CFAP44: variants seen among roughly 807,000 people sequenced by gnomAD.
CFAP44 encodes the protein cilia- and flagella-associated protein 44.
A neutral mutation model predicts 216.2 loss-of-function variants in CFAP44; 134 were observed. That is an observed-to-expected ratio of 0.62 (90% CI 0.54 to 0.72). The LOEUF is 0.72. Ranked by LOEUF, CFAP44 falls within the 30% of genes least tolerant of loss-of-function variation. The pLI is 0.00. For synonymous variants in CFAP44, 700 were observed against 727.6 expected (o/e 0.96, Z 0.61); for missense variants, 2,035 against 2,182.1 (o/e 0.93, Z 1.34).
At chr3:113,369,826 G>C (rs1933091182) in intron 18 of CFAP44, among the ~76,000 whole-genome samples, 3 of 152,062 alleles carry the variant, frequency 2.0e-5, no homozygotes, top group Admixed American at 1.3e-4. Flanking sequence ...TTGATAGAGA[G>C]AGCACTGGCA....
At chr3:113,336,526 T>A (rs1316988063) in intron 24 of CFAP44, among the ~76,000 whole-genome samples, 1 of 152,018 alleles carries the variant, frequency 6.6e-6, no homozygotes, top group Non-Finnish European at 1.5e-5. Context: ...AAATAGAACA[T>A]CTGGATAGCA....
chr3:113,357,486 C>T (rs1367644436), intron 22 of CFAP44, among the ~76,000 whole-genome samples: 2 of 152,128 alleles, frequency 1.3e-5, no homozygotes, highest in Non-Finnish European at 2.9e-5. Context: ...ATGGATTCAT[C>T]AGCCAAGAAA....
chr3:113,306,371 A>G (rs768913494), intron 29 of CFAP44, 40 bp from the exon 30 acceptor site: 4 of 1,528,994 alleles, frequency 2.6e-6, no homozygotes, highest in Non-Finnish European at 3.5e-6. Context: ...CTCATTTGTT[A>G]TGGAATGTGG....
chr3:113,305,227 T>A, intron 30 of CFAP44, 75 bp from the exon 31 acceptor site: 1 of 1,274,668 alleles, frequency 7.8e-7, no homozygotes, highest in Non-Finnish European at 1.1e-6. Flanking sequence ...AATGAAGGCA[T>A]CTTGGGAGGA....
chr3:113,321,802 C>T (rs1261371254), intron 28 of CFAP44, among the ~76,000 whole-genome samples: 1 of 152,042 alleles, frequency 6.6e-6, no homozygotes, highest in Admixed American at 6.5e-5. Context: ...GGGAACATAG[C>T]TAATCAAAGA....
At chr3:113,316,360 A>G (rs1082590) in intron 28 of CFAP44, among the ~76,000 whole-genome samples, 148,838 of 152,250 alleles carry the variant, frequency 0.98, 72,776 homozygotes, top group East Asian at 1. Context: ...AATAATCTAA[A>G]CTCCCACAAC....
intron 24 of CFAP44, among the ~76,000 whole-genome samples, chr3:113,334,019 T>G (rs1950261910): frequency 6.6e-6 from 1 of 152,026 alleles, no homozygotes; most frequent in Non-Finnish European, 1.5e-5. Flanking sequence ...TTGTGTGATC[T>G]TGGCTCACTA....
At chr3:113,437,499 A>G (rs759679115) in intron 1 of CFAP44, among the ~76,000 whole-genome samples, 2 of 152,236 alleles carry the variant, frequency 1.3e-5, no homozygotes, top group Non-Finnish European at 2.9e-5. Flanking sequence ...CTTAAACAAT[A>G]TATTCCCCAA....
intron 19 of CFAP44, 37 bp downstream of exon 19, chr3:113,366,002 A>C (rs752514551): frequency 1.3e-6 from 2 of 1,552,860 alleles, no homozygotes; most frequent in African/African-American, 1.4e-5. Context: ...TTTTAAATAC[A>C]GTTTGTTATT....
chr3:113,402,412 A>G (rs1329768196), intron 9 of CFAP44, among the ~76,000 whole-genome samples: 4 of 152,330 alleles, frequency 2.6e-5, no homozygotes, highest in Admixed American at 2.0e-4. Flanking sequence ...TACTATAGGA[A>G]GAGTGAAGGA....
intron 18 of CFAP44, among the ~76,000 whole-genome samples, chr3:113,367,316 G>T (rs1452560842): frequency 6.6e-6 from 1 of 152,212 alleles, no homozygotes; most frequent in African/African-American, 2.4e-5. Context: ...GGGGCCAACA[G>T]ACACCTCATA....
intron 15 of CFAP44, among the ~76,000 whole-genome samples, chr3:113,384,012 G>C (rs928556713): frequency 6.7e-6 from 1 of 150,370 alleles, no homozygotes; most frequent in Non-Finnish European, 1.5e-5. Flanking sequence ...TTGGTTTTCT[G>C]TTCCTGTGTT....
At chr3:113,335,628 A>G (rs1950275725) in intron 24 of CFAP44, among the ~76,000 whole-genome samples, 1 of 152,226 alleles carries the variant, frequency 6.6e-6, no homozygotes, top group Non-Finnish European at 1.5e-5. Context: ...GTTCCCATCA[A>G]CTGGAGAGAC....
intron 31 of CFAP44, chr3:113,304,381 C>G (rs939847054): frequency 7.4e-6 from 3 of 403,846 alleles, no homozygotes; most frequent in Non-Finnish European, 4.4e-6. Flanking sequence ...ATGTGACAAA[C>G]ATTTCAGGGC....
At chr3:113,327,879 T>C in intron 26 of CFAP44, 60 bp from the exon 27 acceptor site, 1 of 1,426,184 alleles carries the variant, frequency 7.0e-7, no homozygotes, top group Non-Finnish European at 9.4e-7. Context: ...ATTTTTAAAC[T>C]ATCTAACAGT....
chr3:113,435,857 ACGTG>A (rs1344461569), intron 1 of CFAP44, among the ~76,000 whole-genome samples: 2 of 122,552 alleles, frequency 1.6e-5, no homozygotes, highest in African/African-American at 7.1e-5. Context: ...AAGTGTATGT[ACGTG>A]TGTGTGTGTG....
intron 24 of CFAP44, among the ~76,000 whole-genome samples, chr3:113,340,780 CA>C (rs1477711291): frequency 6.6e-6 from 1 of 152,238 alleles, no homozygotes; most frequent in Non-Finnish European, 1.5e-5. Flanking sequence ...TTCCTTATCA[CA>C]AGGACAGAGG....
chr3:113,304,422 T>A (rs2107792459), intron 31 of CFAP44: 1 of 328,522 alleles, frequency 3.0e-6, no homozygotes, highest in East Asian at 5.7e-5. Context: ...TCCATTTAGC[T>A]CATCCAGTTT....
At chr3:113,416,679 A>C in intron 5 of CFAP44, 52 bp from the exon 6 acceptor site, 2 of 1,324,596 alleles carry the variant, frequency 1.5e-6, no homozygotes, top group Non-Finnish European at 2.1e-6. Context: ...TTTTGTATAA[A>C]TAGTCTGATT....
Sources: allele counts gnomAD v4.1 joint callset (sites outside exome capture counted in the v4.1 genomes callset), GRCh38; gene constraint gnomAD v4.1.1; transcripts MANE v1.5; gene names NCBI Gene and HGNC (gene_info 2026-07-23, HGNC 2026-07-21).